Variants in CSMD3 observed in about 807,000 individuals in gnomAD.
The protein encoded by CSMD3 is CUB and Sushi multiple domains 3.
In CSMD3, 177 loss-of-function variants were observed where a neutral mutation model predicts 435.2. The observed-to-expected ratio is 0.41, with a 90% CI of 0.36 to 0.46. The LOEUF (loss-of-function observed/expected upper bound fraction) is 0.46. CSMD3 is among the 20% of genes least tolerant of loss of function. The pLI is 0.34. For synonymous variants in CSMD3, 1,656 were observed against 1,520.5 expected (o/e 1.09, Z -2.07); for missense variants, 4,265 against 4,504.6 (o/e 0.95, Z 1.52).
chr8:113,290,246 G>A (rs1051958161), intron 2 of CSMD3, among the ~76,000 whole-genome samples: 9 of 151,626 alleles, frequency 5.9e-5, no homozygotes, highest in African/African-American at 2.2e-4. Flanking sequence ...AATACAAAGA[G>A]CACTGCAATT....
chr8:112,510,716 T>A (rs1823029376), intron 28 of CSMD3, among the ~76,000 whole-genome samples: 1 of 152,238 alleles, frequency 6.6e-6, no homozygotes. Context: ...TCTGCCCATC[T>A]CGGTCATTTC....
chr8:112,228,826 C>T lies in CSMD3; in HGVS notation c.10894G>A (p.Ala3632Thr), dbSNP rs1286770079. 1 of 1,589,090 alleles carries T rather than the reference C, an allele frequency of 6.3e-7. No individual in the cohort carries two copies. Among genetic ancestry groups the T allele is most frequent in the Non-Finnish European group, 8.6e-7 (1 of 1,157,958 alleles). The change falls in exon 70 of 71, where the codon GCC (alanine) becomes ACC (threonine). Residue 3632 changes from alanine (A) to threonine (T), a missense_variant. By Grantham distance (58) the Ala-to-Thr change is moderately conservative (BLOSUM62 0). Transcript: ENST00000297405. The stretch of plus-strand genomic sequence containing the variant: ...AAAAAAGGCACAAGAATAGCAATGG[C>T]TACAGAACTACTATTTGTACCATGA... The part of the protein sequence containing the change: ...QPHGTNSSSV[A>T]IAILVPFFAL...
chr8:112,917,936 C>A (rs2082620953), intron 10 of CSMD3, among the ~76,000 whole-genome samples: 1 of 151,818 alleles, frequency 6.6e-6, no homozygotes. Flanking sequence ...TCTTCCTCTG[C>A]CTATATCCAC....
intron 3 of CSMD3, among the ~76,000 whole-genome samples, chr8:113,266,773 T>C (rs1445039050): frequency 6.6e-6 from 1 of 151,626 alleles, no homozygotes; most frequent in African/African-American, 2.4e-5. Context: ...GTAATACACA[T>C]CGACAATCAT....
intron 22 of CSMD3, among the ~76,000 whole-genome samples, chr8:112,588,370 A>G (rs915895953): frequency 6.6e-6 from 1 of 151,894 alleles, no homozygotes; most frequent in Non-Finnish European, 1.5e-5. Context: ...ACTCAGTATA[A>G]TATCAACATT....
At chr8:112,906,786 A>T (rs1190352965) in intron 10 of CSMD3, among the ~76,000 whole-genome samples, 2 of 151,520 alleles carry the variant, frequency 1.3e-5, no homozygotes, top group Non-Finnish European at 3.0e-5. Context: ...CTAAATTCAA[A>T]TTCTTTCACT....
intron 4 of CSMD3, among the ~76,000 whole-genome samples, chr8:113,116,346 C>G (rs551074976): frequency 6.6e-6 from 1 of 152,078 alleles, no homozygotes; most frequent in East Asian, 1.9e-4. Context: ...TGCCTTCGCT[C>G]GATTCTCATT....
chr8:113,215,816 G>A (rs1300816572), intron 3 of CSMD3, among the ~76,000 whole-genome samples: 1 of 151,132 alleles, frequency 6.6e-6, no homozygotes, highest in Non-Finnish European at 1.5e-5. Flanking sequence ...TCATCTTTAG[G>A]ACACTCTATA....
chr8:112,345,466 A>G (rs1270825269), intron 41 of CSMD3, among the ~76,000 whole-genome samples: 1 of 152,154 alleles, frequency 6.6e-6, no homozygotes, highest in Non-Finnish European at 1.5e-5. Flanking sequence ...GGAGGGCATT[A>G]TGTTAAGTGC....
chr8:113,022,814 C>T (rs2086729975), intron 5 of CSMD3, among the ~76,000 whole-genome samples: 1 of 151,814 alleles, frequency 6.6e-6, no homozygotes, highest in Admixed American at 6.6e-5. Flanking sequence ...CATCAAATTT[C>T]ATTGCATGTT....
At chr8:113,286,981 T>A (rs1296937179) in intron 2 of CSMD3, among the ~76,000 whole-genome samples, 2 of 151,376 alleles carry the variant, frequency 1.3e-5, no homozygotes, top group Non-Finnish European at 3.0e-5. Context: ...AGAGAGAGAT[T>A]TATTTAAAAA....
intron 3 of CSMD3, among the ~76,000 whole-genome samples, chr8:113,228,550 C>G (rs767637674): frequency 1.2e-4 from 18 of 151,280 alleles, no homozygotes; most frequent in Non-Finnish European, 2.2e-4. Flanking sequence ...TTGAACTTCC[C>G]CTTTTAAATA....
At chr8:112,329,413 T>C (rs1228861999) in intron 45 of CSMD3, among the ~76,000 whole-genome samples, 1 of 152,140 alleles carries the variant, frequency 6.6e-6, no homozygotes, top group East Asian at 1.9e-4. Flanking sequence ...TATATAGGTA[T>C]ATTCCATTCC....
chr8:113,354,445 T>C (rs930207290), intron 1 of CSMD3, among the ~76,000 whole-genome samples: 1 of 152,166 alleles, frequency 6.6e-6, no homozygotes, highest in African/African-American at 2.4e-5. Context: ...ATAAAATTAT[T>C]TTCCTGAAAA....
intron 4 of CSMD3, among the ~76,000 whole-genome samples, chr8:113,154,406 T>C (rs1041029211): frequency 6.6e-6 from 1 of 151,998 alleles, no homozygotes; most frequent in African/African-American, 2.4e-5. Context: ...TGAGTCCAAA[T>C]GCATCACTAT....
At chr8:112,297,695 A>G (rs552847127) in intron 53 of CSMD3, among the ~76,000 whole-genome samples, 1 of 152,316 alleles carries the variant, frequency 6.6e-6, no homozygotes, top group Admixed American at 6.5e-5. Flanking sequence ...GGTAATACGT[A>G]CGTAGAAAAT....
At chr8:113,186,735 C>T (rs1443455688) in intron 3 of CSMD3, among the ~76,000 whole-genome samples, 1 of 152,026 alleles carries the variant, frequency 6.6e-6, no homozygotes, top group African/African-American at 2.4e-5. Context: ...GTGTCAAGAT[C>T]ATTTTACACC....
At chr8:112,625,464 T>C (rs1295535849) in intron 22 of CSMD3, among the ~76,000 whole-genome samples, 1 of 152,146 alleles carries the variant, frequency 6.6e-6, no homozygotes, top group Non-Finnish European at 1.5e-5. Flanking sequence ...TCAAGTTTTA[T>C]ATGATATGAA....
At chr8:112,255,677 A>C in intron 61 of CSMD3, 1 of 490,422 alleles carries the variant, frequency 2.0e-6, no homozygotes, top group Non-Finnish European at 3.6e-6. Flanking sequence ...TTAATAAAGA[A>C]AGAATTTTTG....
Sources: gnomAD v4.1 joint callset for allele counts (sites outside exome capture counted in the v4.1 genomes callset) on GRCh38, gnomAD v4.1.1 for gene constraint, MANE v1.5 for transcripts, NCBI Gene and HGNC (gene_info 2026-07-23, HGNC 2026-07-21) for gene names.